ABCB1: variants seen among roughly 807,000 people sequenced by gnomAD.
ABCB1 encodes ATP-dependent translocase ABCB1.
In ABCB1, 69 loss-of-function variants were observed where a neutral mutation model predicts 142.0. That is an observed-to-expected ratio of 0.49 (90% confidence interval 0.40 to 0.59). ABCB1 has a LOEUF of 0.59. ABCB1 is among the 20% of genes least tolerant of loss of function. ABCB1 has a pLI of 0.00. For missense variants in ABCB1, 1,326 were observed against 1,554.7 expected (o/e 0.85, Z 2.47); for synonymous variants, 532 against 539.2 (o/e 0.99, Z 0.18).
Position 87,509,324 on chromosome 7 carries a change from C to T in ABCB1, c.3440G>A (p.Arg1147Lys), listed in dbSNP as rs1482837611. ...SRVVSQEEIV[R>K]AAKEANIHAF... ...ATGTATGTTGGCCTCCTTTGCTGCCCTCACAATCTCTTCCTGTGACACCAC... is the reference window on the plus strand; with the variant it reads ...ATGTATGTTGGCCTCCTTTGCTGCCTTCACAATCTCTTCCTGTGACACCAC... The change falls in exon 26 of 28, where the codon AGG (arginine) becomes AAG (lysine). Residue 1147 changes from arginine to lysine, a missense_variant. Arg to Lys is a conservative substitution (Grantham distance 26). Coordinates refer to ENST00000622132, the MANE Select transcript of ABCB1 (RefSeq NM_001348946.2). 6.2e-7 allele frequency: 1 copy of T among 1,614,154 alleles called. No individual in the cohort carries two copies. Among genetic ancestry groups the T allele is most frequent in the East Asian group, 2.2e-5 (1 of 44,876 alleles).
At chr7:87,547,838 G>A (rs113686230) in intron 14 of ABCB1, among the ~76,000 whole-genome samples, 15,964 of 119,136 alleles carry the variant, frequency 0.13, 1,041 homozygotes, top group Middle Eastern at 0.16. Context: ...GCGACAGAGC[G>A]AGACTCCATC....
At chr7:87,622,076 C>A (rs1003246677) in intron 1 of ABCB1, among the ~76,000 whole-genome samples, 1 of 151,910 alleles carries the variant, frequency 6.6e-6, no homozygotes, top group Non-Finnish European at 1.5e-5. Flanking sequence ...AAAGGCTATT[C>A]TAAAATGATC....
At chr7:87,541,052 AC>A (rs1724963349) in intron 18 of ABCB1, among the ~76,000 whole-genome samples, 1 of 152,120 alleles carries the variant, frequency 6.6e-6, no homozygotes, top group African/African-American at 2.4e-5. Flanking sequence ...ATCCAAACTT[AC>A]ATCCAGGGCT....
intron 15 of ABCB1, among the ~76,000 whole-genome samples, chr7:87,545,612 T>A (rs1816742324): frequency 6.6e-6 from 1 of 152,202 alleles, no homozygotes; most frequent in Admixed American, 6.5e-5. Context: ...TACAGACACA[T>A]GTGGCTACTG....
intron 26 of ABCB1, among the ~76,000 whole-genome samples, chr7:87,506,332 G>A (rs1814741983): frequency 6.6e-6 from 1 of 152,154 alleles, no homozygotes; most frequent in Non-Finnish European, 1.5e-5. Flanking sequence ...TCCATCTTCT[G>A]ATTTCATTAT....
At chr7:87,532,910 T>C (rs1421319509) in intron 20 of ABCB1, among the ~76,000 whole-genome samples, 5 of 152,174 alleles carry the variant, frequency 3.3e-5, no homozygotes, top group Non-Finnish European at 5.9e-5. Context: ...CATTAATCCC[T>C]ACAAAATCAT....
At chr7:87,586,558 C>T (rs181592745) in intron 3 of ABCB1, among the ~76,000 whole-genome samples, 1 of 152,148 alleles carries the variant, frequency 6.6e-6, no homozygotes, top group South Asian at 2.1e-4. Flanking sequence ...CAAGGTGTAG[C>T]TGTAGGCAAC....
intron 24 of ABCB1, among the ~76,000 whole-genome samples, chr7:87,515,810 T>A (rs1238926693): frequency 6.6e-6 from 1 of 151,968 alleles, no homozygotes; most frequent in Non-Finnish European, 1.5e-5. Context: ...TTGGCCAAGC[T>A]GGTCTCGAAC....
chr7:87,704,776 T>C (rs1275211159), intron 1 of ABCB1, among the ~76,000 whole-genome samples: 1 of 152,010 alleles, frequency 6.6e-6, no homozygotes, highest in Non-Finnish European at 1.5e-5. Context: ...CTGGGAAGAG[T>C]CTGTGGAGAA....
chr7:87,650,535 G>A (rs1374364585), intron 1 of ABCB1, among the ~76,000 whole-genome samples: 1 of 151,892 alleles, frequency 6.6e-6, no homozygotes, highest in Non-Finnish European at 1.5e-5. Context: ...ACCTCCCAAA[G>A]GCACCCACCC....
At position 87,573,992 on chromosome 7, in the gene ABCB1, CCA is replaced by C. The variant is rs563011552; in HGVS notation, c.287-3771_287-3770del. Among the ~76,000 whole-genome samples, 18 of 152,218 alleles carry C rather than the reference CCA, an allele frequency of 1.2e-4. No homozygotes were observed. In the South Asian group the frequency reaches 3.3e-3, roughly 28 times the overall value. On this transcript the variant is annotated intron_variant, in intron 4 of 27. Coordinates refer to ENST00000622132, the MANE Select transcript of ABCB1 (RefSeq NM_001348946.2). ...TGTTTAAATTTCATGAGATTAAGCT[CCA>C]CCCTTTAGACTGAAAAAATATTTTC...
At chr7:87,621,657 C>G (rs1220870306) in intron 1 of ABCB1, among the ~76,000 whole-genome samples, 2 of 151,866 alleles carry the variant, frequency 1.3e-5, no homozygotes, top group South Asian at 2.1e-4. Context: ...CTATGGGAAA[C>G]AAATCATAAA....
intron 25 of ABCB1, among the ~76,000 whole-genome samples, chr7:87,514,425 T>G (rs548232733): frequency 6.4e-4 from 98 of 152,182 alleles, no homozygotes; most frequent in African/African-American, 2.2e-3. Flanking sequence ...TGCCAGACAC[T>G]TCCCTCATCC....
intron 1 of ABCB1, among the ~76,000 whole-genome samples, chr7:87,701,762 CCAAAA>C (rs1829057395): frequency 1.3e-5 from 2 of 152,066 alleles, no homozygotes; most frequent in Admixed American, 1.3e-4. Flanking sequence ...TATACTTCAA[CCAAAA>C]CAACACATTG....
intron 1 of ABCB1, among the ~76,000 whole-genome samples, chr7:87,708,920 C>G (rs561610446): frequency 6.6e-6 from 1 of 152,246 alleles, no homozygotes; most frequent in African/African-American, 2.4e-5. Context: ...ATCTTGATTA[C>G]TTTTACTTAT....
intron 1 of ABCB1, among the ~76,000 whole-genome samples, chr7:87,630,804 G>C (rs1821138980): frequency 6.6e-6 from 1 of 151,366 alleles, no homozygotes; most frequent in East Asian, 1.9e-4. Context: ...TTTTGTCTTG[G>C]CTGGCTTTAG....
intron 23 of ABCB1, chr7:87,519,102 G>A: frequency 1.7e-6 from 1 of 585,002 alleles, no homozygotes; most frequent in East Asian, 2.9e-5. Context: ...ATTTGAAAAG[G>A]TCAACTATGT....
intron 25 of ABCB1, among the ~76,000 whole-genome samples, chr7:87,510,659 G>A (rs956348816): frequency 4.6e-5 from 7 of 152,208 alleles, no homozygotes; most frequent in Non-Finnish European, 8.8e-5. Context: ...TGGCTGGGTG[G>A]CTCAAGGGGA....
chr7:87,514,433 TC>T (rs1563028777), intron 25 of ABCB1, among the ~76,000 whole-genome samples: 1 of 151,932 alleles, frequency 6.6e-6, no homozygotes, highest in African/African-American at 2.4e-5. Context: ...ACTTCCCTCA[TC>T]CCCAGCAACT....
Sources: gnomAD v4.1 joint callset for allele counts (sites outside exome capture counted in the v4.1 genomes callset) on GRCh38, gnomAD v4.1.1 for gene constraint, MANE v1.5 for transcripts, NCBI Gene and HGNC (gene_info 2026-07-23, HGNC 2026-07-21) for gene names.